RGS21: variants seen among roughly 807,000 people sequenced by gnomAD.
RGS21 encodes regulator of G protein signaling 21.
Under a neutral mutation model 18.7 loss-of-function variants are expected in RGS21, and 19 were observed. The observed-to-expected ratio is 1.01, with a 90% CI of 0.71 to 1.49. RGS21 has a LOEUF of 1.49. Among genes scored for constraint, RGS21 ranks in the 40% most tolerant of loss-of-function variants. The pLI is 0.00. For synonymous variants in RGS21, 56 were observed against 57.8 expected (o/e 0.97, Z 0.14); for missense variants, 194 against 176.8 (o/e 1.10, Z -0.55).
chr1:192,345,687 G>A (rs1398881312), intron 2 of RGS21, among the ~76,000 whole-genome samples: 2 of 151,984 alleles, frequency 1.3e-5, no homozygotes, highest in Non-Finnish European at 2.9e-5. Context: ...TGCATGGCCA[G>A]GTTCCTCTCT....
intron 3 of RGS21, among the ~76,000 whole-genome samples, chr1:192,351,636 T>C (rs998819526): frequency 2.0e-5 from 3 of 149,668 alleles, no homozygotes; most frequent in African/African-American, 7.3e-5. Context: ...ATGAAGCTAA[T>C]TGTAGAAATA....
intron 1 of RGS21, among the ~76,000 whole-genome samples, chr1:192,335,376 T>C (rs1281915026): frequency 6.6e-6 from 1 of 152,204 alleles, no homozygotes; most frequent in Non-Finnish European, 1.5e-5. Flanking sequence ...TTGCACATGA[T>C]AGCAGCTTAC....
rs568560061 is a variant in RGS21 at position 192,363,794 on chromosome 1, C to T, written c.256-2127C>T. Among the ~76,000 whole-genome samples, 15 of 152,198 alleles carry T rather than the reference C, an allele frequency of 9.9e-5. No homozygotes were observed. In the South Asian group the frequency reaches 3.1e-3, roughly 32 times the overall value. Reference sequence around the variant, plus strand: ...TCAAGGTGTAGTGGCTCTTTAGAACCTAATAATTTTTTTCTTGCATTAGGG... The same window carrying T: ...TCAAGGTGTAGTGGCTCTTTAGAACTTAATAATTTTTTTCTTGCATTAGGG... On this transcript the variant is annotated intron_variant, in intron 4 of 4. Transcript: ENST00000417209.
At chr1:192,363,667 A>G (rs764441404) in intron 4 of RGS21, among the ~76,000 whole-genome samples, 1 of 152,152 alleles carries the variant, frequency 6.6e-6, no homozygotes, top group Non-Finnish European at 1.5e-5. Flanking sequence ...TAGCAGGAAA[A>G]TAAGTCCTGA....
chr1:192,354,217 A>G (rs560085410), intron 4 of RGS21, among the ~76,000 whole-genome samples: 1 of 151,840 alleles, frequency 6.6e-6, no homozygotes, highest in East Asian at 1.9e-4. Context: ...ACTGACACAT[A>G]ATAAAACTAG....
At chr1:192,350,418 C>G (rs1367788371) in intron 3 of RGS21, among the ~76,000 whole-genome samples, 1 of 152,132 alleles carries the variant, frequency 6.6e-6, no homozygotes, top group African/African-American at 2.4e-5. Context: ...TCACTTTTCT[C>G]TTATTGTTTT....
intron 4 of RGS21, among the ~76,000 whole-genome samples, chr1:192,363,124 T>C (rs1018746486): frequency 1.3e-5 from 2 of 152,148 alleles, no homozygotes; most frequent in Non-Finnish European, 2.9e-5. Flanking sequence ...AGTGGAATTG[T>C]CTAGCTTGAT....
chr1:192,317,695 T>C (rs1341746153), intron 1 of RGS21, among the ~76,000 whole-genome samples: 1 of 152,028 alleles, frequency 6.6e-6, no homozygotes, highest in African/African-American at 2.4e-5. Context: ...TAGAACTTGA[T>C]AGGATAAAAG....
intron 4 of RGS21, among the ~76,000 whole-genome samples, chr1:192,356,923 T>C (rs1184559930): frequency 6.6e-6 from 1 of 151,798 alleles, no homozygotes; most frequent in African/African-American, 2.4e-5. Context: ...TGTTCATTAA[T>C]CAATACTTGA....
At chr1:192,354,908 T>G (rs540121151) in intron 4 of RGS21, among the ~76,000 whole-genome samples, 1 of 151,878 alleles carries the variant, frequency 6.6e-6, no homozygotes, top group South Asian at 2.1e-4. Context: ...ATATGAAACT[T>G]ACTAAATTAT....
intron 4 of RGS21, among the ~76,000 whole-genome samples, chr1:192,363,118 G>A (rs1234362714): frequency 6.6e-6 from 1 of 152,130 alleles, no homozygotes; most frequent in Non-Finnish European, 1.5e-5. Flanking sequence ...AATGTAAGTG[G>A]AATTGTCTAG....
At chr1:192,359,412 T>G (rs904319916) in intron 4 of RGS21, among the ~76,000 whole-genome samples, 3 of 151,986 alleles carry the variant, frequency 2.0e-5, no homozygotes, top group Non-Finnish European at 2.9e-5. Flanking sequence ...TATGAGTTTC[T>G]AGAGTGTCAC....
Position 192,326,050 on chromosome 1 carries a change from C to G in RGS21, c.-61+8945C>G, listed in dbSNP as rs151066521. 4.4e-4 allele frequency among the ~76,000 whole-genome samples: 67 copies of G among 152,124 alleles called. No individual in the cohort carries two copies. In the East Asian group the frequency reaches 0.012, roughly 28 times the overall value. On this transcript the variant is annotated intron_variant, in intron 1 of 4. Coordinates refer to ENST00000417209, the MANE Select transcript of RGS21 (RefSeq NM_001039152.3). ...GATAAAATATGGCTCTTCTGCGACT[C>G]ATAATGGATACTTGAAAGCTATGGA...
Position 192,343,007 on chromosome 1 carries a change from C to A in RGS21, c.-30C>A, listed in dbSNP as rs773410712. 6.2e-7 allele frequency: 1 copy of A among 1,611,276 alleles called. No homozygotes were observed. The highest frequency in any genetic ancestry group is 2.2e-5 in the East Asian group (1 of 44,810). ...AGATCAGTCAGAAAGAGAAACTCGG[C>A]ATCATCTGTGACAGACAGTGGAACG... On this transcript the variant is annotated 5_prime_UTR_variant, in exon 2 of 5. Coordinates refer to ENST00000417209, the MANE Select transcript of RGS21 (RefSeq NM_001039152.3).
chr1:192,318,201 T>C (rs1321575637), intron 1 of RGS21, among the ~76,000 whole-genome samples: 1 of 152,146 alleles, frequency 6.6e-6, no homozygotes, highest in Non-Finnish European at 1.5e-5. Context: ...TCATTAAACT[T>C]AGAAATGTCA....
At chr1:192,332,325 A>G (rs1036878173) in intron 1 of RGS21, among the ~76,000 whole-genome samples, 2 of 152,166 alleles carry the variant, frequency 1.3e-5, no homozygotes, top group African/African-American at 2.4e-5. Context: ...GAAAAAGACA[A>G]TGGAGCAATA....
intron 4 of RGS21, among the ~76,000 whole-genome samples, chr1:192,359,783 T>TCC (rs1491332828): frequency 5.4e-5 from 5 of 92,260 alleles, no homozygotes; most frequent in African/African-American, 2.2e-4. Context: ...TCTCTCTCTC[T>TCC]ATATATATAT....
intron 1 of RGS21, among the ~76,000 whole-genome samples, chr1:192,339,330 A>G (rs2102228436): frequency 6.6e-6 from 1 of 152,132 alleles, no homozygotes; most frequent in East Asian, 1.9e-4. Flanking sequence ...TTTTTATCCT[A>G]CCTTTAATGA....
intron 1 of RGS21, among the ~76,000 whole-genome samples, chr1:192,332,993 A>G (rs1378676721): frequency 6.6e-6 from 1 of 152,120 alleles, no homozygotes; most frequent in Admixed American, 6.6e-5. Context: ...ACAACTAACA[A>G]TTAGAAAAAA....
Sources: gnomAD v4.1 joint callset for allele counts (sites outside exome capture counted in the v4.1 genomes callset) on GRCh38, gnomAD v4.1.1 for gene constraint, MANE v1.5 for transcripts, NCBI Gene and HGNC (gene_info 2026-07-23, HGNC 2026-07-21) for gene names.